The following DLGAP1 variants were observed in gnomAD, a reference collection of about 807,000 sequenced individuals.
DLGAP1 encodes disks large-associated protein 1.
A neutral mutation model predicts 90.8 loss-of-function variants in DLGAP1; 11 were observed. That is an observed-to-expected ratio of 0.12 (90% CI 0.08 to 0.20). The LOEUF (loss-of-function observed/expected upper bound fraction) is 0.20, where lower values mean the gene tolerates loss of function less well. Among genes scored for constraint, DLGAP1 ranks in the 10% least tolerant of loss-of-function variants. The pLI is 1.00. For synonymous variants in DLGAP1, 558 were observed against 540.7 expected, an observed-to-expected ratio of 1.03 and a Z score of -0.44; for missense variants, 1,050 against 1,333.8, an observed-to-expected ratio of 0.79 and a Z score of 3.31.
chr18:4,441,190 C>G (rs8182397), intron 1 of DLGAP1, among the ~76,000 whole-genome samples: 58,662 of 152,006 alleles, frequency 0.39, 11,352 homozygotes, highest in East Asian at 0.45. Flanking sequence ...TTTGAGGTAT[C>G]TGTTCATTTA....
rs1416335864 is a variant in DLGAP1 at position 4,434,249 on chromosome 18, A to G, written c.-267+20757T>C. Among the ~76,000 whole-genome samples, 7 of 151,986 alleles carry G rather than the reference A, an allele frequency of 4.6e-5. No individual in the cohort carries two copies. In the East Asian group the frequency reaches 1.4e-3, roughly 29 times the overall value. ...CTCCCCCGAAAAAATGCTATTCCCCATCTGAATTCTTGACCATAGCATCTT... is the reference window on the plus strand; with the variant it reads ...CTCCCCCGAAAAAATGCTATTCCCCGTCTGAATTCTTGACCATAGCATCTT... On this transcript the variant is annotated intron_variant, in intron 1 of 12. Transcript: ENST00000315677.
Position 4,354,887 on chromosome 18 carries a change from C to CA in DLGAP1, c.-267+100118dup, listed in dbSNP as rs60379984. On this transcript the variant is annotated intron_variant, in intron 1 of 12. Transcript: ENST00000315677. ...TGGCTTTTTCTGCAATTACTCTCAC[C>CA]AAAAAAAAAAAAAAAAAAAAAAAAA... is the stretch of plus-strand genomic sequence containing the variant. Among the ~76,000 whole-genome samples the CA allele has an allele frequency of 6.7e-3, 160 of 23,874 alleles. 36 individuals are homozygous for CA. The highest frequency in any genetic ancestry group is 0.011 in the Admixed American group (14 of 1,220). The allele number at this position is 23,874 out of a possible 152,430, so 15.7% of individuals were successfully genotyped here.
intron 1 of DLGAP1, among the ~76,000 whole-genome samples, chr18:4,235,229 T>G (rs2078383552): frequency 6.6e-6 from 1 of 152,200 alleles, no homozygotes; most frequent in South Asian, 2.1e-4. Context: ...GCCCACCACA[T>G]AGTGGACACC....
chr18:3,747,666 T>A (rs939578094), intron 5 of DLGAP1, among the ~76,000 whole-genome samples: 7 of 152,140 alleles, frequency 4.6e-5, no homozygotes, highest in African/African-American at 1.7e-4. Context: ...GCTGGCTGAA[T>A]GGGGAAATGA....
chr18:3,772,346 CT>C, intron 5 of DLGAP1, among the ~76,000 whole-genome samples: 1 of 14,214 alleles, frequency 7.0e-5, no homozygotes, highest in Non-Finnish European at 1.5e-4. Context: ...CTCTCTCTCT[CT>C]CTTTCTTTCT....
intron 3 of DLGAP1, among the ~76,000 whole-genome samples, chr18:3,982,545 T>C (rs1177052814): frequency 6.6e-6 from 1 of 152,158 alleles, no homozygotes; most frequent in East Asian, 1.9e-4. Context: ...TCTCTGAACA[T>C]CAATGGGGGT....
At chr18:4,294,783 T>C (rs945290606) in intron 1 of DLGAP1, 5 of 152,252 alleles carry the variant, frequency 3.3e-5, no homozygotes, top group African/African-American at 1.2e-4. Context: ...ACTTGAAGGA[T>C]GAATGTGGGG....
chr18:3,744,803 C>T (rs1288106539), intron 5 of DLGAP1, among the ~76,000 whole-genome samples: 1 of 152,192 alleles, frequency 6.6e-6, no homozygotes, highest in Non-Finnish European at 1.5e-5. Flanking sequence ...ACCTTGGCCT[C>T]CCAAAGTGTT....
chr18:4,197,045 C>T (rs367584688), intron 1 of DLGAP1, among the ~76,000 whole-genome samples: 13 of 151,386 alleles, frequency 8.6e-5, no homozygotes, highest in East Asian at 1.9e-4. Context: ...TGGTGGTGGG[C>T]GCCTGTAATT....
chr18:4,039,955 C>A (rs569126319), intron 2 of DLGAP1, among the ~76,000 whole-genome samples: 1 of 152,244 alleles, frequency 6.6e-6, no homozygotes, highest in East Asian at 1.9e-4. Context: ...GTTGAGGACA[C>A]AATAAAAATT....
At chr18:4,430,401 T>C (rs1321018860) in intron 1 of DLGAP1, among the ~76,000 whole-genome samples, 2 of 152,100 alleles carry the variant, frequency 1.3e-5, no homozygotes, top group African/African-American at 2.4e-5. Context: ...ACCTTGGACA[T>C]GTTACTTAAT....
chr18:4,098,561 T>C (rs892483494), intron 2 of DLGAP1, among the ~76,000 whole-genome samples: 1 of 151,688 alleles, frequency 6.6e-6, no homozygotes, highest in Non-Finnish European at 1.5e-5. Flanking sequence ...AAAGAACAAA[T>C]GGGAAATGGA....
chr18:3,605,547 C>G (rs1404791174), intron 7 of DLGAP1, among the ~76,000 whole-genome samples: 1 of 152,212 alleles, frequency 6.6e-6, no homozygotes, highest in Non-Finnish European at 1.5e-5. Flanking sequence ...CTTTAGTTTC[C>G]TTTAACACTT....
At chr18:3,600,381 G>A (rs550754362) in intron 7 of DLGAP1, among the ~76,000 whole-genome samples, 1 of 151,756 alleles carries the variant, frequency 6.6e-6, no homozygotes, top group East Asian at 1.9e-4. Context: ...TCAGCCTCCC[G>A]AGTAGTGCCA....
chr18:4,089,924 G>A (rs747986468), intron 2 of DLGAP1, among the ~76,000 whole-genome samples: 25 of 152,026 alleles, frequency 1.6e-4, no homozygotes, highest in Admixed American at 3.3e-4. Context: ...GGGCTCCTGT[G>A]GTCTCAGCTA....
intron 2 of DLGAP1, among the ~76,000 whole-genome samples, chr18:4,131,712 G>A (rs2076320158): frequency 6.6e-6 from 1 of 152,176 alleles, no homozygotes; most frequent in Non-Finnish European, 1.5e-5. Flanking sequence ...AGCCAGGAAA[G>A]GGTGACAAGA....
chr18:4,192,029 G>T (rs1365022474), intron 1 of DLGAP1, among the ~76,000 whole-genome samples: 1 of 151,990 alleles, frequency 6.6e-6, no homozygotes, highest in Non-Finnish European at 1.5e-5. Context: ...TATGACAAAG[G>T]GGAAGGTGTA....
intron 7 of DLGAP1, among the ~76,000 whole-genome samples, chr18:3,628,476 G>C (rs966318): frequency 0.11 from 16,008 of 152,054 alleles, 2,781 homozygotes; most frequent in African/African-American, 0.36. Context: ...GCATGAGCCA[G>C]TGTGCCCAGC....
intron 1 of DLGAP1, among the ~76,000 whole-genome samples, chr18:4,364,150 G>A (rs533487248): frequency 2.0e-5 from 3 of 149,732 alleles, no homozygotes; most frequent in Non-Finnish European, 4.4e-5. Context: ...GTAAACTATC[G>A]CAAGGACAAA....
Sources: allele counts gnomAD v4.1 joint callset (sites outside exome capture counted in the v4.1 genomes callset), GRCh38; gene constraint gnomAD v4.1.1; transcripts MANE v1.5; gene names NCBI Gene and HGNC (gene_info 2026-07-23, HGNC 2026-07-21).